GGN: variants seen among roughly 807,000 people sequenced by gnomAD.
GGN encodes the protein gametogenetin.
In GGN, 27 loss-of-function variants were observed where a neutral mutation model predicts 35.5. The ratio of observed to expected loss-of-function variants is 0.76; its 90% CI spans 0.56 to 1.05. The LOEUF (loss-of-function observed/expected upper bound fraction) is 1.05. GGN is among the 50% of genes least tolerant of loss of function. The probability of loss-of-function intolerance (pLI) is 0.00; values close to 1 mark genes in which losing one functional copy is unlikely to be tolerated. For synonymous variants in GGN, 425 were observed against 444.1 expected (o/e 0.96, Z 0.54); for missense variants, 1,006 against 940.7 (o/e 1.07, Z -0.91).
Position 38,386,724 on chromosome 19 carries a change from C to G in GGN, c.538G>C (p.Glu180Gln), listed in dbSNP as rs752728502. ...ATTCTGCGGTCCGCCGGCTGCCGTTCAGAAGGTAATGGTGGTGGCGGCTTC... is the reference window on the plus strand; with the variant it reads ...ATTCTGCGGTCCGCCGGCTGCCGTTGAGAAGGTAATGGTGGTGGCGGCTTC... ...TWKPPPPLPSERQPADRRITP... is the reference protein window; with the variant it reads ...TWKPPPPLPSQRQPADRRITP... The change falls in exon 3 of 4, where the codon GAA (glutamate) becomes CAA (glutamine). Residue 180 changes from glutamate (E) to glutamine (Q), a missense_variant. Glu to Gln is a conservative substitution (Grantham distance 29, BLOSUM62 2). Coordinates refer to ENST00000334928, the MANE Select transcript of GGN (RefSeq NM_152657.4). 4 of 1,608,332 alleles carry G rather than the reference C, an allele frequency of 2.5e-6. No individual in the cohort carries two copies. The highest frequency in any genetic ancestry group is 3.4e-6 in the Non-Finnish European group (4 of 1,176,144).
rs1297047535 is a variant in GGN, at chr19:38,385,716, G to T, written c.1546C>A (p.Pro516Thr). 1 of 1,610,504 alleles carries T rather than the reference G, an allele frequency of 6.2e-7. No homozygotes were observed. The highest frequency in any genetic ancestry group is 1.7e-5 in the Admixed American group (1 of 59,846). ...EPSPPVSAPA[P>T]AAAPIKTRTR... ...CGGGTCTTGATGGGCGCAGCCGCGG[G>T]TGCGGGCGCGGACACAGGCGGCGAG... The change falls in exon 3 of 4, where the codon CCC becomes ACC. Residue 516 changes from proline (P) to threonine (T), a missense_variant. Coordinates refer to ENST00000334928, the MANE Select transcript of GGN (RefSeq NM_152657.4).
chr19:38,386,226 C>A lies in GGN; in HGVS notation c.1036G>T (p.Gly346Cys). ...LPPPPYTTFP[G>C]SKPKFDWVSA... is the part of the protein sequence containing the mutation. ...ACCCAGTCGAATTTGGGCTTCGAGC[C>A]TGGGAAGGTGGTGTAGGGTGGCGGC... The change falls in exon 3 of 4, where the codon GGC (glycine) becomes TGC (cysteine). Residue 346 changes from glycine to cysteine, a missense_variant. Gly to Cys is a radical substitution (Grantham distance 159). Coordinates refer to ENST00000334928, the MANE Select transcript of GGN (RefSeq NM_152657.4). 6.2e-7 allele frequency: 1 copy of A among 1,608,576 alleles called. No individual in the cohort carries two copies. Among genetic ancestry groups the A allele is most frequent in the South Asian group, 1.1e-5 (1 of 90,954 alleles).
Position 38,386,949 on chromosome 19 carries a change from G to T in GGN, c.313C>A (p.Leu105Met), listed in dbSNP as rs1970741326. The T allele has an allele frequency of 1.9e-6, 3 of 1,545,040 alleles. No homozygotes were observed. Among genetic ancestry groups the T allele is most frequent in the Admixed American group, 2.0e-5 (1 of 50,142 alleles). The change falls in exon 3 of 4, where the codon CTG becomes ATG. Residue 105 changes from leucine to methionine, a missense_variant. Leu to Met is a conservative substitution (Grantham distance 15, BLOSUM62 2). Coordinates refer to ENST00000334928, the MANE Select transcript of GGN (RefSeq NM_152657.4). ...APPPAPAGTL[L>M]PGPSKWQKPA... is the part of the protein sequence containing the mutation. ...TTTTGCCATTTAGACGGGCCGGGCA[G>T]CAGAGTCCCCGCGGGGGCCGGGGGT... is the stretch of plus-strand genomic sequence containing the variant.
rs756031955 is a variant in GGN at position 38,386,132 on chromosome 19, C to T, written c.1130G>A (p.Arg377Gln). 119 of 1,580,054 alleles carry T rather than the reference C, an allele frequency of 7.5e-5. No individual in the cohort carries two copies. Among genetic ancestry groups the T allele is most frequent in the Non-Finnish European group, 9.3e-5 (109 of 1,167,810 alleles). The change falls in exon 3 of 4, where the codon CGA becomes CAA. Residue 377 changes from arginine (R) to glutamine (Q), a missense_variant. By Grantham distance (43) the Arg-to-Gln change is conservative (BLOSUM62 1). Transcript: ENST00000334928. ...CCCAGAGAGTGCGGCCGCACGCCGT[C>T]GCGGCGCCCCGATGCCTCCGCCAGC... is the stretch of plus-strand genomic sequence containing the variant. ...NGAGGGIGAPRRRAAALSGPW... is the reference protein window; with the variant it reads ...NGAGGGIGAPQRRAAALSGPW...
upstream of GGN, chr19:38,388,326 C>G: frequency 2.5e-6 from 1 of 394,260 alleles, no homozygotes; most frequent in Middle Eastern, 6.4e-4. Context: ...AGCATCCAAA[C>G]CTCCTTATAC....
Position 38,386,499 on chromosome 19 carries a change from G to A in GGN, c.763C>T (p.Pro255Ser). 2.5e-6 allele frequency: 4 copies of A among 1,612,924 alleles called. No homozygotes were observed. Among genetic ancestry groups the A allele is most frequent in the Non-Finnish European group, 3.4e-6 (4 of 1,179,984 alleles). The change falls in exon 3 of 4, where the codon CCT becomes TCT. Residue 255 changes from proline (P) to serine (S), a missense_variant. Coordinates refer to ENST00000334928, the MANE Select transcript of GGN (RefSeq NM_152657.4). ...GCTAAGGAACTCGAGGCTGCCGGAG[G>A]GGCCAAAGAGGGCCTCGACTTGAAG... ...ITFKSRPSLAPPAASSSLAAK... is the reference protein window; with the variant it reads ...ITFKSRPSLASPAASSSLAAK...
At chr19:38,388,301 C>G (rs1970768486), upstream of GGN, 2 of 388,320 alleles carry the variant, frequency 5.2e-6, no homozygotes, top group African/African-American at 2.1e-5. Flanking sequence ...GACGCACGCA[C>G]TAGTCCTCGC....
At chr19:38,384,722 G>A (rs937598478) in intron 3 of GGN, among the ~76,000 whole-genome samples, 193 bp from the exon 4 acceptor site, 11 of 152,226 alleles carry the variant, frequency 7.2e-5, no homozygotes, top group African/African-American at 2.7e-4. Flanking sequence ...TCCCAGCTAA[G>A]CTTCAAGAGG....
chr19:38,387,105 C>G lies in GGN; in HGVS notation c.157G>C (p.Gly53Arg). ...ATGAGTCCCGGGGGTGTGGCGCTGC[C>G]AGGGAACCAGACACCCAGCCCACGA... Reference protein sequence around the residue: ...LTRGLGVWFPGSATPPGLMVP... With the variant: ...LTRGLGVWFPRSATPPGLMVP... Residue 53 changes from glycine (G) to arginine (R), a missense_variant, in exon 3 of 4, where the codon GGC becomes CGC. Coordinates refer to ENST00000334928, the MANE Select transcript of GGN (RefSeq NM_152657.4). This position sits in a 1 kb window ranked among gnomAD's most constrained non-coding sequence, Gnocchi z 5.3. 1 of 1,560,004 alleles carries G rather than the reference C, an allele frequency of 6.4e-7. No individual in the cohort carries two copies. The highest frequency in any genetic ancestry group is 8.7e-7 in the Non-Finnish European group (1 of 1,151,816).
chr19:38,388,256 G>A (rs560451574), upstream of GGN, among the ~76,000 whole-genome samples: 3 of 151,830 alleles, frequency 2.0e-5, no homozygotes, highest in African/African-American at 7.2e-5. Flanking sequence ...CCCGGGCGCC[G>A]AGAAGGCCCA....
Position 38,386,656 on chromosome 19 carries a change from G to T in GGN, c.606C>A (p.Ser202Arg). Residue 202 changes from serine (S) to arginine (R), a missense_variant, in exon 3 of 4, where the codon AGC (serine) becomes AGA (arginine). Transcript: ENST00000334928. ...GGCCCTGGTTGCGGGGCCCAGCCTG[G>T]CTTTCTGTCGGGGGTGAGGCGGGTG... ...LATPASPPTE[S>R]QAGPRNQGQT... 1.2e-6 allele frequency: 2 copies of T among 1,611,990 alleles called. No individual in the cohort carries two copies.
chr19:38,385,632 G>A lies in GGN; in HGVS notation c.1630C>T (p.His544Tyr), dbSNP rs143418011. Residue 544 changes from histidine (H) to tyrosine (Y), a missense_variant, in exon 3 of 4, where the codon CAT becomes TAT. Coordinates refer to ENST00000334928, the MANE Select transcript of GGN (RefSeq NM_152657.4). Reference sequence around the variant, plus strand: ...GCTCGTTCGCGAGGACCATCTCCATGCAAGCCATCCTTACGGGTCGCGCCC... The same window carrying A: ...GCTCGTTCGCGAGGACCATCTCCATACAAGCCATCCTTACGGGTCGCGCCC... ...ARGATRKDGL[H>Y]GDGPRERATA... The A allele has an allele frequency of 6.2e-7, 1 of 1,614,002 alleles. No homozygotes were observed. The highest frequency in any genetic ancestry group is 1.3e-5 in the African/African-American group (1 of 74,950).
At chr19:38,388,331 T>C, upstream of GGN, 1 of 392,292 alleles carries the variant, frequency 2.5e-6, no homozygotes, top group Non-Finnish European at 4.5e-6. Context: ...CCAAACCTCC[T>C]TATACCCAGG....
rs1176482515 is a variant in GGN at position 38,387,131 on chromosome 19, G to C, written c.131C>G (p.Thr44Ser). The change falls in exon 3 of 4, where the codon ACT (threonine) becomes AGT (serine). Residue 44 changes from threonine (T) to serine (S), a missense_variant. Transcript: ENST00000334928. This position sits in a 1 kb window ranked among gnomAD's most constrained non-coding sequence, Gnocchi z 5.3. ...PEMTSQAMRL[T>S]RGLGVWFPGS... ...AGGGAACCAGACACCCAGCCCACGA[G>C]TCAGGCGCATGGCCTGGGAGGTCAT... 6.4e-7 allele frequency: 1 copy of C among 1,570,082 alleles called. No homozygotes were observed. The highest frequency in any genetic ancestry group is 8.6e-7 in the Non-Finnish European group (1 of 1,157,552).
At chr19:38,385,085 GATACCCTCAGGGAC>G (rs1970685942) in intron 3 of GGN, among the ~76,000 whole-genome samples, 1 of 152,196 alleles carries the variant, frequency 6.6e-6, no homozygotes, top group African/African-American at 2.4e-5. Flanking sequence ...GGTCCTCCTT[GATACCCTCAGGGAC>G]AGGGTCAAGG....
Position 38,387,124 on chromosome 19 carries a change from C to A in GGN, c.138G>T (p.Gly46=), listed in dbSNP as rs766304390. 5.7e-6 allele frequency: 9 copies of A among 1,565,344 alleles called. No individual in the cohort carries two copies. The East Asian group carries it at 1.9e-4, about 33-fold the overall frequency. The change falls in exon 3 of 4, where the codon GGG becomes GGT. Residue 46 remains glycine (G), a synonymous_variant. Transcript: ENST00000334928. This position sits in a 1 kb window ranked among gnomAD's most constrained non-coding sequence, Gnocchi z 5.3. ...MTSQAMRLTR[G]LGVWFPGSAT... is the part of the protein sequence containing the mutation. ...CGCTGCCAGGGAACCAGACACCCAG[C>A]CCACGAGTCAGGCGCATGGCCTGGG... is the stretch of plus-strand genomic sequence containing the variant.
At position 38,386,124 on chromosome 19, in the gene GGN, C is replaced by G. The variant is rs1207286468; in HGVS notation, c.1138G>C (p.Ala380Pro). The G allele has an allele frequency of 6.3e-7, 1 of 1,581,504 alleles. No individual in the cohort carries two copies. The highest frequency in any genetic ancestry group is 8.6e-7 in the Non-Finnish European group (1 of 1,168,062). Reference sequence around the variant, plus strand: ...CCCCAAGGCCCAGAGAGTGCGGCCGCACGCCGTCGCGGCGCCCCGATGCCT... The same window carrying G: ...CCCCAAGGCCCAGAGAGTGCGGCCGGACGCCGTCGCGGCGCCCCGATGCCT... ...GGGIGAPRRR[A>P]AALSGPWGSP... The change falls in exon 3 of 4, where the codon GCG becomes CCG. Residue 380 changes from alanine to proline, a missense_variant. Coordinates refer to ENST00000334928, the MANE Select transcript of GGN (RefSeq NM_152657.4).
Position 38,386,694 on chromosome 19 carries a change from G to T in GGN, c.568C>A (p.Pro190Thr), listed in dbSNP as rs1415601541. The change falls in exon 3 of 4, where the codon CCT becomes ACT. Residue 190 changes from proline (P) to threonine (T), a missense_variant. By Grantham distance (38) the Pro-to-Thr change is conservative (BLOSUM62 -1). Transcript: ENST00000334928. ...GGTGAGGCGGGTGTGGCCAGAGCAGGAGTGATTCTGCGGTCCGCCGGCTGC... is the reference window on the plus strand; with the variant it reads ...GGTGAGGCGGGTGTGGCCAGAGCAGTAGTGATTCTGCGGTCCGCCGGCTGC... Reference protein sequence around the residue: ...ERQPADRRITPALATPASPPT... With the variant: ...ERQPADRRITTALATPASPPT... 6.2e-7 allele frequency: 1 copy of T among 1,607,490 alleles called. No homozygotes were observed. Among genetic ancestry groups the T allele is most frequent in the Admixed American group, 1.7e-5 (1 of 59,550 alleles).
In GGN at chr19:38,385,654, GC is replaced by G; in HGVS notation, c.1607del (p.Gly536AlafsTer80). 1 of 1,613,890 alleles carries G rather than the reference GC, an allele frequency of 6.2e-7. No individual in the cohort carries two copies. Among genetic ancestry groups the G allele is most frequent in the Non-Finnish European group, 8.5e-7 (1 of 1,179,966 alleles). ...CATGCAAGCCATCCTTACGGGTCGC[GC>G]CCCGGGCTGCACGGGAACCCTTGTT... Reference protein sequence around the residue: ...RRNKGSRAARGATRKDGLHGD... With the variant: ...RRNKGSRAARXATRKDGLHGD... On this transcript the variant is annotated frameshift_variant, in exon 3 of 4. Transcript: ENST00000334928. LOFTEE classifies it high-confidence loss of function.
Sources: allele counts gnomAD v4.1 joint callset (sites outside exome capture counted in the v4.1 genomes callset), GRCh38; gene constraint gnomAD v4.1.1; non-coding constraint Gnocchi (gnomAD v3.1); transcripts MANE v1.5; gene names NCBI Gene and HGNC (gene_info 2026-07-23, HGNC 2026-07-21).